ANO1: variants seen among roughly 807,000 people sequenced by gnomAD.
The protein encoded by ANO1 is anoctamin 1.
ANO1 carries 59 observed loss-of-function variants against 124.0 expected under a neutral mutation model. That is an observed-to-expected ratio of 0.48 (90% CI 0.39 to 0.59). ANO1 has a LOEUF of 0.59. Among genes scored for constraint, ANO1 ranks in the 20% least tolerant of loss-of-function variants. The pLI, the probability that ANO1 is intolerant of heterozygous loss-of-function variation, is 0.00. For synonymous variants in ANO1, 529 were observed against 532.0 expected, an observed-to-expected ratio of 0.99 and a Z score of 0.08; for missense variants, 1,059 against 1,328.0, an observed-to-expected ratio of 0.80 and a Z score of 3.15.
chr11:70,159,471 C>T (rs2002489), intron 16 of ANO1, among the ~76,000 whole-genome samples: 18 of 152,224 alleles, frequency 1.2e-4, no homozygotes, highest in Non-Finnish European at 2.5e-4. Flanking sequence ...CCTTGACGTA[C>T]TGGTAAACCC....
chr11:70,121,480 A>C (rs1225547909), intron 8 of ANO1, among the ~76,000 whole-genome samples: 667 of 38,530 alleles, frequency 0.017, no homozygotes, highest in Admixed American at 0.025. Flanking sequence ...GTCTCTCTCC[A>C]TCTCCCCCAC....
At position 70,093,536 on chromosome 11, in the gene ANO1, G is replaced by A. The variant is rs549246538; in HGVS notation, c.441+5452G>A. 9.3e-4 allele frequency among the ~76,000 whole-genome samples: 142 copies of A among 152,280 alleles called. 5 individuals carry two copies. The highest frequency in any genetic ancestry group is 2.5e-4 in the Non-Finnish European group (17 of 68,022). On this transcript the variant is annotated intron_variant, in intron 2 of 25. Coordinates refer to ENST00000355303, the MANE Select transcript of ANO1 (RefSeq NM_018043.7). ...ACTAAACTCTTGGCTGTGTGTGCTG[G>A]GGGGCGGCTGAGGCCCACACTGCCC...
intron 18 of ANO1, among the ~76,000 whole-genome samples, chr11:70,162,043 G>A (rs1213536038): frequency 6.6e-6 from 1 of 151,048 alleles, no homozygotes; most frequent in Non-Finnish European, 1.5e-5. Context: ...ACCCCAGGCA[G>A]TGAGGACCGG....
intron 1 of ANO1, among the ~76,000 whole-genome samples, chr11:70,034,085 C>T (rs546045987): frequency 7.9e-5 from 12 of 152,272 alleles, no homozygotes; most frequent in Admixed American, 5.2e-4. Context: ...CCACCCACTA[C>T]GCAAACCCTG....
chr11:70,163,538 A>G lies in ANO1; in HGVS notation c.1950+198A>G, dbSNP rs750918428. ...ATCTTATCTGGTGTGTTCATATAGA[A>G]TCACCTAGAAGGATAAAGTCGCTGT... On this transcript the variant is annotated intron_variant, in intron 19 of 25. Transcript: ENST00000355303. 18 of 668,104 alleles carry G rather than the reference A, an allele frequency of 2.7e-5. 1 individual carries two copies. In the South Asian group the frequency reaches 3.0e-4, roughly 11 times the overall value. The allele number at this position is 668,104 out of a possible 1,614,324, so 41.4% of individuals were successfully genotyped here.
chr11:70,152,119 G>A (rs1262689669), intron 12 of ANO1, among the ~76,000 whole-genome samples: 1 of 152,062 alleles, frequency 6.6e-6, no homozygotes, highest in Non-Finnish European at 1.5e-5. Context: ...GGCGGATCAC[G>A]AGGTCAGGAG....
intron 10 of ANO1, among the ~76,000 whole-genome samples, chr11:70,130,021 T>C (rs1293268322): frequency 6.6e-6 from 1 of 152,182 alleles, no homozygotes; most frequent in Non-Finnish European, 1.5e-5. Context: ...CTTCAGAGCC[T>C]TGCAAGGGAC....
At chr11:70,166,527 G>A (rs768797543) in intron 20 of ANO1, among the ~76,000 whole-genome samples, 40 of 152,180 alleles carry the variant, frequency 2.6e-4, no homozygotes, top group East Asian at 9.7e-4. Context: ...TGTACCCTTC[G>A]GAAATCCATG....
At chr11:70,166,054 T>G (rs2048242150) in intron 20 of ANO1, among the ~76,000 whole-genome samples, 1 of 151,446 alleles carries the variant, frequency 6.6e-6, no homozygotes, top group Non-Finnish European at 1.5e-5. Flanking sequence ...CAGTGGCTCA[T>G]AAACTGTAAT....
At chr11:70,159,844 G>A (rs963121141) in intron 16 of ANO1, among the ~76,000 whole-genome samples, 4 of 152,226 alleles carry the variant, frequency 2.6e-5, no homozygotes, top group South Asian at 2.1e-4. Context: ...CTTGTTCCCC[G>A]GAGCTGGCCA....
chr11:70,183,947 A>T (rs2049017972), intron 24 of ANO1, among the ~76,000 whole-genome samples: 2 of 152,192 alleles, frequency 1.3e-5, no homozygotes, highest in Admixed American at 6.5e-5. Context: ...AGGCCCAGAG[A>T]GGTCAAGTGA....
At chr11:70,179,100 C>A (rs2048841161) in intron 22 of ANO1, among the ~76,000 whole-genome samples, 1 of 152,226 alleles carries the variant, frequency 6.6e-6, no homozygotes. Flanking sequence ...GCGCTATGTA[C>A]AGCTCTCCCT....
At chr11:70,133,506 T>C (rs1455363757) in intron 11 of ANO1, among the ~76,000 whole-genome samples, 6 of 152,048 alleles carry the variant, frequency 3.9e-5, no homozygotes, top group Non-Finnish European at 8.8e-5. Context: ...ACCCAGCAGG[T>C]TGGGCAGAGA....
intron 11 of ANO1, among the ~76,000 whole-genome samples, chr11:70,145,487 A>G (rs1239327191): frequency 6.6e-6 from 1 of 152,144 alleles, no homozygotes; most frequent in Non-Finnish European, 1.5e-5. Context: ...TGAGCCAAAC[A>G]AGCCACATCT....
At chr11:70,076,353 G>A (rs1423298059), upstream of ANO1, among the ~76,000 whole-genome samples, 1 of 152,112 alleles carries the variant, frequency 6.6e-6, no homozygotes, top group Admixed American at 6.5e-5. Flanking sequence ...AAGCCCCAGA[G>A]CCCTCTCAGG....
chr11:70,056,016 AC>A (rs1323814289), intron 1 of ANO1, among the ~76,000 whole-genome samples: 1 of 151,312 alleles, frequency 6.6e-6, no homozygotes, highest in African/African-American at 2.5e-5. Flanking sequence ...TATTAATATT[AC>A]TTACATTTAA....
intron 11 of ANO1, among the ~76,000 whole-genome samples, chr11:70,137,785 G>A (rs2047004713): frequency 6.8e-6 from 1 of 147,286 alleles, no homozygotes; most frequent in African/African-American, 2.4e-5. Context: ...TGGGTCCCAG[G>A]TTCGCATCTG....
rs185885352 is a variant in ANO1, at chr11:70,065,950, C to T, written c.59-12592C>T. ...GCCCGCCGTCCCCTCTTCCTGCTTC[C>T]GTCCTCCACAGCAGTCATCACCATC... On this transcript the variant is annotated intron_variant, in intron 1 of 27. Transcript: ENST00000531349. Among the ~76,000 whole-genome samples the T allele has an allele frequency of 4.6e-5, 7 of 152,344 alleles. No homozygotes were observed. In the East Asian group the frequency reaches 9.6e-4, roughly 21 times the overall value.
rs956242585 is a variant in ANO1, at chr11:70,012,506, T to C, written c.58+26340T>C. Reference sequence around the variant, plus strand: ...TTTGTACATCTATTCACTCATCCATTCTTTCATCCATCCATCCATCCATTG... The same window carrying C: ...TTTGTACATCTATTCACTCATCCATCCTTTCATCCATCCATCCATCCATTG... On this transcript the variant is annotated intron_variant, in intron 1 of 27. Coordinates refer to the ANO1 transcript ENST00000531349. Among the ~76,000 whole-genome samples the C allele has an allele frequency of 9.5e-4, 22 of 23,248 alleles. No individual in the cohort carries two copies. The South Asian group carries it at 0.05, about 53-fold the overall frequency. 15.3% of individuals were successfully genotyped at this position (23,248 alleles called of 152,430 possible). A position where few individuals can be genotyped will look rare whatever the true frequency, so the allele number is the denominator to read the frequency against.
Sources: allele counts gnomAD v4.1 joint callset (sites outside exome capture counted in the v4.1 genomes callset), GRCh38; gene constraint gnomAD v4.1.1; transcripts MANE v1.5; gene names NCBI Gene and HGNC (gene_info 2026-07-23, HGNC 2026-07-21).